CNTNAP2: variants seen among roughly 807,000 people sequenced by gnomAD.
CNTNAP2 encodes the protein contactin-associated protein-like 2.
CNTNAP2 carries 98 observed loss-of-function variants against 155.2 expected under a neutral mutation model. That is an observed-to-expected ratio of 0.63 (90% CI 0.54 to 0.75). The LOEUF (loss-of-function observed/expected upper bound fraction) is 0.75. Among genes scored for constraint, CNTNAP2 ranks in the 30% least tolerant of loss-of-function variants. The pLI is 0.00. For synonymous variants in CNTNAP2, 651 were observed against 631.2 expected (o/e 1.03, Z -0.47); for missense variants, 1,727 against 1,688.1 (o/e 1.02, Z -0.40).
chr7:146,288,585 T>C (rs963853425), intron 1 of CNTNAP2, among the ~76,000 whole-genome samples: 12 of 151,990 alleles, frequency 7.9e-5, no homozygotes, highest in African/African-American at 2.9e-4. Flanking sequence ...TCCAAAAACC[T>C]TAAGGACTTA....
At chr7:148,328,503 GGT>G in intron 21 of CNTNAP2, among the ~76,000 whole-genome samples, 1 of 65,502 alleles carries the variant, frequency 1.5e-5, no homozygotes, top group Non-Finnish European at 3.2e-5. Context: ...TCCATCTCTT[GGT>G]GTTCAATAGG....
At chr7:146,520,107 A>G (rs1001204917) in intron 1 of CNTNAP2, among the ~76,000 whole-genome samples, 1 of 151,472 alleles carries the variant, frequency 6.6e-6, no homozygotes, top group Middle Eastern at 3.2e-3. Flanking sequence ...GCATAAGCAC[A>G]ATATTTTTTC....
At chr7:146,898,730 G>C (rs561647346) in intron 3 of CNTNAP2, among the ~76,000 whole-genome samples, 1 of 151,912 alleles carries the variant, frequency 6.6e-6, no homozygotes, top group South Asian at 2.1e-4. Flanking sequence ...TTTTTGTGTG[G>C]TTTCTTCCGA....
chr7:148,033,960 A>G (rs1481171343), intron 15 of CNTNAP2, among the ~76,000 whole-genome samples: 2 of 152,326 alleles, frequency 1.3e-5, no homozygotes, highest in Non-Finnish European at 2.9e-5. Context: ...ATCAAACATT[A>G]GAGAAAGCAT....
At chr7:146,193,589 CAGA>C (rs1798737721) in intron 1 of CNTNAP2, among the ~76,000 whole-genome samples, 1 of 152,188 alleles carries the variant, frequency 6.6e-6, no homozygotes. Context: ...GGCTGCAGAG[CAGA>C]AGGGCCATGG....
intron 1 of CNTNAP2, among the ~76,000 whole-genome samples, chr7:146,163,572 T>C (rs1345279266): frequency 2.0e-5 from 2 of 99,382 alleles, no homozygotes; most frequent in Non-Finnish European, 4.4e-5. Context: ...TCTATCTATA[T>C]CTATCTATCT....
intron 12 of CNTNAP2, among the ~76,000 whole-genome samples, chr7:147,575,831 A>T (rs984854853): frequency 1.3e-4 from 20 of 151,970 alleles, no homozygotes; most frequent in Non-Finnish European, 2.1e-4. Flanking sequence ...GTAATATGAT[A>T]AATTCTTTCA....
intron 13 of CNTNAP2, among the ~76,000 whole-genome samples, chr7:147,676,100 T>C (rs540846641): frequency 4.4e-5 from 6 of 135,484 alleles, no homozygotes; most frequent in Admixed American, 4.3e-4. Flanking sequence ...TTGACTTCAA[T>C]TTCTATAGAG....
intron 2 of CNTNAP2, among the ~76,000 whole-genome samples, chr7:146,818,582 A>T (rs558733582): frequency 6.6e-6 from 1 of 152,262 alleles, no homozygotes; most frequent in South Asian, 2.1e-4. Flanking sequence ...ATCAGAACTC[A>T]AACTGATTTC....
chr7:147,903,845 A>G, intron 14 of CNTNAP2, 124 bp downstream of exon 14: 4 of 1,192,746 alleles, frequency 3.4e-6, no homozygotes, highest in Non-Finnish European at 4.8e-6. Flanking sequence ...AAAGGTCTGG[A>G]ACTAACCCAA....
intron 15 of CNTNAP2, among the ~76,000 whole-genome samples, chr7:148,038,715 T>C (rs1378036579): frequency 6.6e-6 from 1 of 152,156 alleles, no homozygotes; most frequent in East Asian, 1.9e-4. Flanking sequence ...TTTCATTTGA[T>C]GCCCATAGAA....
At chr7:148,314,195 C>T (rs1797645381) in intron 21 of CNTNAP2, among the ~76,000 whole-genome samples, 1 of 151,872 alleles carries the variant, frequency 6.6e-6, no homozygotes, top group Non-Finnish European at 1.5e-5. Context: ...GGGGTTGGGA[C>T]TAAGGGGACA....
chr7:146,167,576 T>C (rs1169136577), intron 1 of CNTNAP2, among the ~76,000 whole-genome samples: 1 of 152,216 alleles, frequency 6.6e-6, no homozygotes, highest in Non-Finnish European at 1.5e-5. Context: ...AAAAGGAGTT[T>C]AGAATGATGC....
intron 13 of CNTNAP2, among the ~76,000 whole-genome samples, chr7:147,765,941 T>C (rs539247426): frequency 6.6e-6 from 1 of 152,330 alleles, no homozygotes; most frequent in East Asian, 1.9e-4. Context: ...GATGAATCTC[T>C]ACAACACCAT....
intron 12 of CNTNAP2, among the ~76,000 whole-genome samples, chr7:147,565,602 A>G (rs1017913845): frequency 3.3e-5 from 5 of 152,086 alleles, no homozygotes; most frequent in Non-Finnish European, 7.4e-5. Context: ...AAATTGATAC[A>G]TTTTTAGATC....
rs77789008 is a variant in CNTNAP2 at position 147,762,946 on chromosome 7, T to A, written c.2098+123640T>A. On this transcript the variant is annotated intron_variant, in intron 13 of 23. Transcript: ENST00000361727. ...GGGCAACTTTAGGCATCTCAAAAGT[T>A]TGTTGTATGTGCAATCAAGAGTAAA... Among the ~76,000 whole-genome samples the A allele has an allele frequency of 2.0e-5, 3 of 152,232 alleles. No homozygotes were observed. In the East Asian group the frequency reaches 5.8e-4, roughly 29 times the overall value.
chr7:148,413,659 C>G (rs919932573), intron 23 of CNTNAP2, among the ~76,000 whole-genome samples: 1 of 151,624 alleles, frequency 6.6e-6, no homozygotes, highest in Non-Finnish European at 1.5e-5. Flanking sequence ...CAGTTACTGA[C>G]AGAACAGTGT....
chr7:146,442,932 C>T (rs1265825978), intron 1 of CNTNAP2, among the ~76,000 whole-genome samples: 1 of 151,998 alleles, frequency 6.6e-6, no homozygotes. Context: ...ATGGGCCGGG[C>T]GCGGTGGCTG....
In CNTNAP2 at chr7:147,132,322, C is replaced by A. The variant is rs755129419; in HGVS notation, c.1161C>A (p.Pro387=). The A allele has an allele frequency of 4.3e-6, 7 of 1,613,516 alleles. No homozygotes were observed. In the African/African-American group the frequency reaches 8.0e-5, roughly 18 times the overall value. ...FFNATSYLEV[P]GRLNQDLFSV... ...ACGCTACAAGTTACCTGGAGGTGCC[C>A]GGACGGCTTAACCAGGACCTGTTCT... is the stretch of plus-strand genomic sequence containing the variant. The change falls in exon 8 of 24, where the codon CCC becomes CCA. Residue 387 remains proline, a synonymous_variant. Coordinates refer to ENST00000361727, the MANE Select transcript of CNTNAP2 (RefSeq NM_014141.6).
Sources: gnomAD v4.1 joint callset for allele counts (sites outside exome capture counted in the v4.1 genomes callset) on GRCh38, gnomAD v4.1.1 for gene constraint, MANE v1.5 for transcripts, NCBI Gene and HGNC (gene_info 2026-07-23, HGNC 2026-07-21) for gene names.